The following PHF2 variants were observed in gnomAD, a reference collection of about 807,000 sequenced individuals.
The protein encoded by PHF2 is lysine-specific demethylase PHF2.
In PHF2, 27 loss-of-function variants were observed where a neutral mutation model predicts 120.5. The observed-to-expected ratio is 0.22, with a 90% confidence interval of 0.17 to 0.31. The LOEUF (loss-of-function observed/expected upper bound fraction) is 0.31. Ranked by LOEUF, PHF2 falls within the 10% of genes least tolerant of loss-of-function variation. The pLI is 1.00. For synonymous variants in PHF2, 568 were observed against 592.5 expected (o/e 0.96, Z 0.60); for missense variants, 1,024 against 1,434.8 (o/e 0.71, Z 4.63).
intron 19 of PHF2, 53 bp from the exon 20 acceptor site, chr9:93,675,627 G>A (rs1309189760): frequency 1.7e-5 from 24 of 1,407,544 alleles, no homozygotes; most frequent in East Asian, 2.3e-5. Flanking sequence ...AACCAGGAGG[G>A]GTGGACAGGC....
At chr9:93,634,405 G>A (rs894323355) in intron 2 of PHF2, among the ~76,000 whole-genome samples, 1 of 152,126 alleles carries the variant, frequency 6.6e-6, no homozygotes, top group African/African-American at 2.4e-5. Flanking sequence ...CTCTAGGGCC[G>A]GCCTTGGCCC....
intron 1 of PHF2, among the ~76,000 whole-genome samples, chr9:93,592,372 G>C (rs961486032): frequency 3.3e-5 from 5 of 151,850 alleles, no homozygotes; most frequent in African/African-American, 1.2e-4. Context: ...CAGCATCATT[G>C]CCCCCATCAC....
At chr9:93,627,159 G>A (rs1453521730) in intron 1 of PHF2, among the ~76,000 whole-genome samples, 1 of 152,036 alleles carries the variant, frequency 6.6e-6, no homozygotes, top group African/African-American at 2.4e-5. Context: ...CCATTTCTTT[G>A]TATCCTTTAA....
intron 1 of PHF2, among the ~76,000 whole-genome samples, chr9:93,586,862 T>C (rs1385447644): frequency 6.6e-6 from 1 of 152,108 alleles, no homozygotes; most frequent in Non-Finnish European, 1.5e-5. Flanking sequence ...TGGGGTGGCA[T>C]GGCCCTCATC....
At chr9:93,588,869 C>T (rs2131602780) in intron 1 of PHF2, among the ~76,000 whole-genome samples, 1 of 152,270 alleles carries the variant, frequency 6.6e-6, no homozygotes, top group African/African-American at 2.4e-5. Context: ...CCAGCCTGGG[C>T]AACAGAGTGA....
chr9:93,671,145 C>G, intron 17 of PHF2: 1 of 976,294 alleles, frequency 1.0e-6, no homozygotes, highest in Non-Finnish European at 1.2e-6. Context: ...GGTGCAGATG[C>G]AGGTGTGGAT....
At chr9:93,623,512 A>G (rs1398845362) in intron 1 of PHF2, among the ~76,000 whole-genome samples, 1 of 152,138 alleles carries the variant, frequency 6.6e-6, no homozygotes, top group Non-Finnish European at 1.5e-5. Context: ...CTTTGCTTCT[A>G]TTGGGCAGAC....
chr9:93,667,274 G>T, intron 17 of PHF2, 34 bp downstream of exon 17: 1 of 1,593,678 alleles, frequency 6.3e-7, no homozygotes. Flanking sequence ...CCCAAGAGCG[G>T]GGACCAGGCA....
intron 1 of PHF2, among the ~76,000 whole-genome samples, chr9:93,601,836 G>A (rs12345357): frequency 5.3e-5 from 8 of 152,090 alleles, no homozygotes; most frequent in Non-Finnish European, 1.0e-4. Flanking sequence ...AGGGTGACAA[G>A]CAATGGGAGG....
chr9:93,596,471 G>A (rs779842982), intron 1 of PHF2, among the ~76,000 whole-genome samples: 8 of 152,140 alleles, frequency 5.3e-5, no homozygotes, highest in Non-Finnish European at 1.0e-4. Context: ...TGCCCTTCTT[G>A]AATATGGTGT....
intron 1 of PHF2, among the ~76,000 whole-genome samples, chr9:93,615,906 G>A (rs115172625): frequency 0.01 from 1,553 of 152,318 alleles, 27 homozygotes; most frequent in African/African-American, 0.036. Flanking sequence ...AGCTGGGAAG[G>A]GAGCTGTCGG....
At chr9:93,663,768 C>CACAA (rs2118021781) in intron 14 of PHF2, 133 bp downstream of exon 14, 1 of 470,048 alleles carries the variant, frequency 2.1e-6, no homozygotes, top group Non-Finnish European at 3.7e-6. Context: ...CTCTGCATCT[C>CACAA]ACACACACCA....
In PHF2 at chr9:93,655,925, C is replaced by G. The variant is rs376638559; in HGVS notation, c.953-9C>G. 5.6e-6 allele frequency: 9 copies of G among 1,608,410 alleles called. No homozygotes were observed. The highest frequency in any genetic ancestry group is 1.7e-4 in the Middle Eastern group (1 of 5,750). ...GGTGGGGCACCAGCCACTCCTGTCT[C>G]TCTCCCAGGCTGGATCTACGCCACA... On this transcript the variant is annotated splice_polypyrimidine_tract_variant and intron_variant, in intron 7 of 21. Coordinates refer to ENST00000359246, the MANE Select transcript of PHF2 (RefSeq NM_005392.4).
intron 1 of PHF2, among the ~76,000 whole-genome samples, chr9:93,607,984 C>T (rs1402469087): frequency 5.7e-4 from 50 of 87,318 alleles, no homozygotes; most frequent in African/African-American, 1.6e-3. Flanking sequence ...GAGAGAGAGA[C>T]GGAGGGAGAT....
chr9:93,577,252 G>T (rs1206141611), intron 1 of PHF2, among the ~76,000 whole-genome samples: 1 of 151,362 alleles, frequency 6.6e-6, no homozygotes, highest in Non-Finnish European at 1.5e-5. Context: ...GAGGCCCGGA[G>T]CCCCCGCCGC....
chr9:93,669,764 G>A (rs939845392), intron 17 of PHF2, among the ~76,000 whole-genome samples: 2 of 152,138 alleles, frequency 1.3e-5, no homozygotes, highest in Non-Finnish European at 2.9e-5. Flanking sequence ...TCTGTGTCTG[G>A]GCTCCCTGTG....
intron 5 of PHF2, among the ~76,000 whole-genome samples, chr9:93,649,999 G>A (rs1826337320): frequency 6.7e-6 from 1 of 149,714 alleles, no homozygotes; most frequent in African/African-American, 2.4e-5. Flanking sequence ...CCAACACGTG[G>A]TACACTCACA....
chr9:93,672,800 G>A (rs1172906039), intron 17 of PHF2: 2 of 983,836 alleles, frequency 2.0e-6, no homozygotes, highest in African/African-American at 3.5e-5. Context: ...AGGTACAGGT[G>A]TAGATGCATG....
At chr9:93,591,796 CGA>C (rs926721509) in intron 1 of PHF2, among the ~76,000 whole-genome samples, 3 of 152,140 alleles carry the variant, frequency 2.0e-5, no homozygotes, top group African/African-American at 7.2e-5. Flanking sequence ...GGAAGAAGCC[CGA>C]GAGAGCATCT....
Sources: allele counts gnomAD v4.1 joint callset (sites outside exome capture counted in the v4.1 genomes callset), GRCh38; gene constraint gnomAD v4.1.1; transcripts MANE v1.5; gene names NCBI Gene and HGNC (gene_info 2026-07-23, HGNC 2026-07-21).